Variants in VAT1L observed in about 807,000 individuals in gnomAD.
VAT1L encodes vesicle amine transport 1 like.
In VAT1L, 34 loss-of-function variants were observed where a neutral mutation model predicts 44.1. The observed-to-expected ratio is 0.77, with a 90% CI of 0.59 to 1.03. VAT1L has a LOEUF of 1.03. Among genes scored for constraint, VAT1L ranks in the 50% least tolerant of loss-of-function variants. The pLI is 0.00. For synonymous variants in VAT1L, 253 were observed against 202.2 expected, an observed-to-expected ratio of 1.25 and a Z score of -2.13; for missense variants, 615 against 538.8, an observed-to-expected ratio of 1.14 and a Z score of -1.40.
At chr16:77,829,064 C>G (rs1002097216) in intron 3 of VAT1L, among the ~76,000 whole-genome samples, 1 of 152,126 alleles carries the variant, frequency 6.6e-6, no homozygotes, top group African/African-American at 2.4e-5. Context: ...ATCAAAGTAG[C>G]GAATTGCAGA....
At chr16:77,912,578 C>G (rs1428162360) in intron 7 of VAT1L, among the ~76,000 whole-genome samples, 2 of 152,044 alleles carry the variant, frequency 1.3e-5, no homozygotes, top group African/African-American at 4.8e-5. Context: ...TTATTTTTTA[C>G]AATAGAATGA....
chr16:77,788,991 C>T (rs2015782671), intron 1 of VAT1L, 76 bp downstream of exon 1: 1 of 1,414,046 alleles, frequency 7.1e-7, no homozygotes, highest in African/African-American at 1.5e-5. Context: ...AAAGCTGCGG[C>T]TGGGATGCTG....
chr16:77,899,701 G>A (rs941367669), intron 7 of VAT1L, among the ~76,000 whole-genome samples: 2 of 152,208 alleles, frequency 1.3e-5, no homozygotes, highest in African/African-American at 4.8e-5. Flanking sequence ...TGTGGTGATT[G>A]AGCTCTGTTC....
At chr16:77,900,003 G>A (rs1359478829) in intron 7 of VAT1L, among the ~76,000 whole-genome samples, 1 of 152,208 alleles carries the variant, frequency 6.6e-6, no homozygotes, top group African/African-American at 2.4e-5. Flanking sequence ...TACACCGTAT[G>A]CAAGGCTTTG....
At chr16:77,948,886 G>C (rs896304343) in intron 7 of VAT1L, among the ~76,000 whole-genome samples, 1 of 152,140 alleles carries the variant, frequency 6.6e-6, no homozygotes, top group South Asian at 2.1e-4. Flanking sequence ...GGAGTGAAGG[G>C]ACTATTCCAT....
intron 7 of VAT1L, among the ~76,000 whole-genome samples, chr16:77,935,911 C>G (rs1386138780): frequency 6.6e-6 from 1 of 152,132 alleles, no homozygotes; most frequent in Non-Finnish European, 1.5e-5. Flanking sequence ...ATCTGAAGTA[C>G]CCGGCATTGT....
chr16:77,813,903 C>T (rs191419280), intron 1 of VAT1L, among the ~76,000 whole-genome samples: 1 of 152,186 alleles, frequency 6.6e-6, no homozygotes, highest in Non-Finnish European at 1.5e-5. Flanking sequence ...ATATAAAGAG[C>T]TATAAACATG....
chr16:77,788,964 G>T (rs1459780280), intron 1 of VAT1L, 49 bp downstream of exon 1: 5 of 1,433,846 alleles, frequency 3.5e-6, no homozygotes, highest in Admixed American at 5.5e-5. Flanking sequence ...CGCGCTGGGC[G>T]CTGGGGAGGG....
chr16:77,896,689 C>A (rs942548451), intron 7 of VAT1L, among the ~76,000 whole-genome samples: 1 of 151,752 alleles, frequency 6.6e-6, no homozygotes, highest in Non-Finnish European at 1.5e-5. Context: ...CATCTCCCAT[C>A]AAGGTTCTAA....
At chr16:77,918,144 A>T (rs560628833) in intron 7 of VAT1L, among the ~76,000 whole-genome samples, 38 of 152,292 alleles carry the variant, frequency 2.5e-4, no homozygotes, top group African/African-American at 8.9e-4. Flanking sequence ...GGAACTTGCT[A>T]ATTGGCTCAA....
At chr16:77,972,013 T>A in intron 8 of VAT1L, 80 bp downstream of exon 8, 1 of 1,373,370 alleles carries the variant, frequency 7.3e-7, no homozygotes, top group Non-Finnish European at 1.0e-6. Context: ...ACGGGTGGGG[T>A]AGAAGGAAGT....
At chr16:77,913,047 T>G (rs1161485641) in intron 7 of VAT1L, among the ~76,000 whole-genome samples, 1 of 152,158 alleles carries the variant, frequency 6.6e-6, no homozygotes, top group African/African-American at 2.4e-5. Context: ...CTTCAACATA[T>G]GCATTTGCGG....
rs1397092286 is a variant in VAT1L at position 77,880,631 on chromosome 16, A to G, written c.882+1407A>G. Among the ~76,000 whole-genome samples, 7 of 33,234 alleles carry G rather than the reference A, an allele frequency of 2.1e-4. 1 individual carries two copies. Among genetic ancestry groups the G allele is most frequent in the African/African-American group, 8.4e-4 (7 of 8,312 alleles). 21.8% of individuals were successfully genotyped at this position (33,234 alleles called of 152,430 possible). A position where few individuals can be genotyped will look rare whatever the true frequency, so the allele number is the denominator to read the frequency against. ...TTTTTTTTAGTAATTTCAACTTTTT[A>G]GATTCAGGAGGTACCTGTGCAGGTT... On this transcript the variant is annotated intron_variant, in intron 6 of 8. Coordinates refer to ENST00000302536, the MANE Select transcript of VAT1L (RefSeq NM_020927.3).
intron 1 of VAT1L, among the ~76,000 whole-genome samples, chr16:77,791,446 T>C (rs1045020114): frequency 6.6e-6 from 1 of 152,202 alleles, no homozygotes; most frequent in African/African-American, 2.4e-5. Flanking sequence ...TTTTATATCA[T>C]GGACCCTTTT....
intron 7 of VAT1L, among the ~76,000 whole-genome samples, chr16:77,966,896 A>G (rs992747897): frequency 6.9e-6 from 1 of 145,390 alleles, no homozygotes; most frequent in Non-Finnish European, 1.5e-5. Context: ...GTTCTCTTGA[A>G]TACAGTGGGG....
chr16:77,827,254 A>T (rs1358789664), intron 3 of VAT1L, among the ~76,000 whole-genome samples: 1 of 152,252 alleles, frequency 6.6e-6, no homozygotes, highest in Non-Finnish European at 1.5e-5. Flanking sequence ...TGTGCTCAGC[A>T]TACAAAGTAT....
At chr16:77,856,353 C>G (rs1426426155) in intron 3 of VAT1L, among the ~76,000 whole-genome samples, 3 of 152,118 alleles carry the variant, frequency 2.0e-5, no homozygotes, top group African/African-American at 7.2e-5. Flanking sequence ...ATGCTAAATC[C>G]TGAATCTCAG....
intron 4 of VAT1L, among the ~76,000 whole-genome samples, chr16:77,865,140 AT>A (rs1392600749): frequency 2.0e-5 from 3 of 151,546 alleles, no homozygotes; most frequent in African/African-American, 7.3e-5. Context: ...CACCTGGCTA[AT>A]TTTTTGTATT....
At chr16:77,890,536 G>GT (rs1278624743) in intron 7 of VAT1L, among the ~76,000 whole-genome samples, 1 of 152,086 alleles carries the variant, frequency 6.6e-6, no homozygotes, top group Non-Finnish European at 1.5e-5. Flanking sequence ...ATACAGCTGT[G>GT]GTCTCTGATT....
Sources: allele counts gnomAD v4.1 joint callset (sites outside exome capture counted in the v4.1 genomes callset), GRCh38; gene constraint gnomAD v4.1.1; transcripts MANE v1.5; gene names NCBI Gene and HGNC (gene_info 2026-07-23, HGNC 2026-07-21).